Variants in BAG5 observed in about 807,000 individuals in gnomAD.
The protein encoded by BAG5 is BAG family molecular chaperone regulator 5.
In BAG5, 25 loss-of-function variants were observed where a neutral mutation model predicts 31.8. The observed-to-expected ratio is 0.79, with a 90% CI of 0.57 to 1.10. BAG5 has a LOEUF of 1.10. Ranked by LOEUF, BAG5 falls within the 50% of genes least tolerant of loss-of-function variation. The probability of loss-of-function intolerance (pLI) is 0.00; values close to 1 mark genes in which losing one functional copy is unlikely to be tolerated. For missense variants in BAG5, 491 were observed against 527.9 expected (o/e 0.93, Z 0.68); for synonymous variants, 208 against 205.0 (o/e 1.01, Z -0.13).
chr14:103,557,957 CA>C lies in BAG5; in HGVS notation c.*1863del, dbSNP rs1230977568. The C allele has an allele frequency of 6.6e-6, 1 of 152,188 alleles. No individual in the cohort carries two copies. The highest frequency in any genetic ancestry group is 1.9e-4 in the East Asian group (1 of 5,196). The allele number at this position is 152,188 out of a possible 1,614,324, so 9.4% of individuals were successfully genotyped here. A position where few individuals can be genotyped will look rare whatever the true frequency, so the allele number is the denominator to read the frequency against. On this transcript the variant is annotated 3_prime_UTR_variant, in exon 2 of 2. Coordinates refer to ENST00000299204, the MANE Select transcript of BAG5 (RefSeq NM_001015048.3). Reference sequence around the variant, plus strand: ...GCAGTGAGCTGAGATGGCACCACTGCACTGCAGCCTGGGCAACAGAGACTCC... The same window carrying C: ...GCAGTGAGCTGAGATGGCACCACTGCCTGCAGCCTGGGCAACAGAGACTCC...
At position 103,559,997 on chromosome 14, in the gene BAG5, G is replaced by C. The variant is rs182208325; in HGVS notation, c.1168C>G (p.Arg390Gly). The stretch of plus-strand genomic sequence containing the variant: ...AGCCGGATGTAGTTCTTATCGGTTC[G>C]ATTTCCATCAAATGAAAGAACTTCT... ...QGEVLSFDGNRTDKNYIRLEE... is the reference protein window; with the variant it reads ...QGEVLSFDGNGTDKNYIRLEE... The change falls in exon 2 of 2, where the codon CGA becomes GGA. Residue 390 changes from arginine to glycine, a missense_variant. By Grantham distance (125) the Arg-to-Gly change is moderately radical (BLOSUM62 -2). Coordinates refer to ENST00000299204, the MANE Select transcript of BAG5 (RefSeq NM_001015048.3). 3 of 1,614,138 alleles carry C rather than the reference G, an allele frequency of 1.9e-6. No homozygotes were observed. The African/African-American group carries it at 4.0e-5, about 22-fold the overall frequency.
intron 1 of BAG5, 100 bp from the exon 2 acceptor site, chr14:103,561,292 T>C: frequency 7.6e-7 from 1 of 1,313,644 alleles, no homozygotes; most frequent in Non-Finnish European, 1.0e-6. Context: ...TAAAAAGGTA[T>C]ACTTCTGAGC....
Position 103,559,735 on chromosome 14 carries a change from C to A in BAG5, c.*86G>T. The A allele has an allele frequency of 1.4e-6, 2 of 1,452,414 alleles. No homozygotes were observed. Among genetic ancestry groups the A allele is most frequent in the Non-Finnish European group, 1.9e-6 (2 of 1,080,874 alleles). 90.0% of individuals were successfully genotyped at this position (1,452,414 alleles called of 1,614,324 possible). A position where few individuals can be genotyped will look rare whatever the true frequency, so the allele number is the denominator to read the frequency against. ...ATAAATACTGAGACTGAAATATGCA[C>A]GTATAAATCAATGAACTGAAAGCTC... On this transcript the variant is annotated 3_prime_UTR_variant, in exon 2 of 2. Transcript: ENST00000299204.
chr14:103,561,978 G>T (rs749976469), intron 1 of BAG5: 1 of 1,613,958 alleles, frequency 6.2e-7, no homozygotes, highest in East Asian at 2.2e-5. Flanking sequence ...CAAACGGCTC[G>T]CTCAAGGTGG....
chr14:103,560,911 T>A lies in BAG5; in HGVS notation c.254A>T (p.Asn85Ile). ...TTCAATCCGGTGTGGGTGGTTTGCA[T>A]TCTGCTCCAACTCTTTGAGAAGACG... Reference protein sequence around the residue: ...TERLLKELEQNANHPHRIEIQ... With the variant: ...TERLLKELEQIANHPHRIEIQ... The change falls in exon 2 of 2, where the codon AAT becomes ATT. Residue 85 changes from asparagine (N) to isoleucine (I), a missense_variant. Asn to Ile is a moderately radical substitution (Grantham distance 149). Coordinates refer to ENST00000299204, the MANE Select transcript of BAG5 (RefSeq NM_001015048.3). The A allele has an allele frequency of 6.2e-7, 1 of 1,614,192 alleles. No homozygotes were observed. Among genetic ancestry groups the A allele is most frequent in the Non-Finnish European group, 8.5e-7 (1 of 1,180,044 alleles).
Position 103,560,238 on chromosome 14 carries a change from TTC to T in BAG5, c.925_926del (p.Glu309IlefsTer10), listed in dbSNP as rs1483765418. Reference sequence around the variant, plus strand: ...CCAACTGTCCAATTAAACCCTGCAATTCTGTTTTGGAGCTCAGGTACAATTCA... The same window carrying T: ...CCAACTGTCCAATTAAACCCTGCAATTGTTTTGGAGCTCAGGTACAATTCA... ...PSELYLSSKTELQGLIGQLDE... is the reference protein window; with the variant it reads ...PSELYLSSKTXLQGLIGQLDE... On this transcript the variant is annotated frameshift_variant, in exon 2 of 2. Coordinates refer to ENST00000299204, the MANE Select transcript of BAG5 (RefSeq NM_001015048.3). LOFTEE classifies it high-confidence loss of function. 4.3e-6 allele frequency: 7 copies of T among 1,614,080 alleles called. No homozygotes were observed. The highest frequency in any genetic ancestry group is 5.9e-6 in the Non-Finnish European group (7 of 1,180,050).
Position 103,557,519 on chromosome 14 carries a change from CTT to C in BAG5, c.*2300_*2301del, listed in dbSNP as rs2076045542. On this transcript the variant is annotated 3_prime_UTR_variant, in exon 2 of 2. Transcript: ENST00000299204. ...CAGCTTGGCAAAAGGTACACAAACA[CTT>C]GTTTGAAAAGAATGACTGAAACGTC... is the stretch of plus-strand genomic sequence containing the variant. The C allele has an allele frequency of 6.6e-6, 1 of 152,168 alleles. No individual in the cohort carries two copies. Among genetic ancestry groups the C allele is most frequent in the African/African-American group, 2.4e-5 (1 of 41,438 alleles). The allele number at this position is 152,168 out of a possible 1,614,324, so 9.4% of individuals were successfully genotyped here.
chr14:103,562,268 G>T, intron 1 of BAG5: 1 of 467,516 alleles, frequency 2.1e-6, no homozygotes. Flanking sequence ...GCCGCTACTG[G>T]CTGCAGCAGC....
rs1595127206 is a variant in BAG5, at chr14:103,560,211, A to G, written c.954T>C (p.Asp318=). 6.2e-7 allele frequency: 1 copy of G among 1,614,072 alleles called. No homozygotes were observed. The change falls in exon 2 of 2, where the codon GAT becomes GAC. Residue 318 remains aspartate, a synonymous_variant. Coordinates refer to ENST00000299204, the MANE Select transcript of BAG5 (RefSeq NM_001015048.3). ...TELQGLIGQL[D]EVSLEKNPCI... is the part of the protein sequence containing the mutation. ...AGGGGTTTTTTTCAAGACTTACCTC[A>G]TCCAACTGTCCAATTAAACCCTGCA...
rs369848011 is a variant in BAG5 at position 103,562,464 on chromosome 14, G to T, written c.-29+152C>A. ...GCTTCCGACCCCAGGGGCGGGGACA[G>T]CGCCGAGACCGACTCTGCCCTGCCT... On this transcript the variant is annotated intron_variant, in intron 1 of 1. Coordinates refer to ENST00000299204, the MANE Select transcript of BAG5 (RefSeq NM_001015048.3). The T allele has an allele frequency of 4.4e-4, 84 of 192,790 alleles. No individual in the cohort carries two copies. In the East Asian group the frequency reaches 7.4e-3, roughly 17 times the overall value. The allele number at this position is 192,790 out of a possible 1,614,324, so 11.9% of individuals were successfully genotyped here.
Position 103,557,433 on chromosome 14 carries a change from T to A in BAG5, c.*2388A>T, listed in dbSNP as rs1181757537. 3 of 152,172 alleles carry A rather than the reference T, an allele frequency of 2.0e-5. No individual in the cohort carries two copies. Among genetic ancestry groups the A allele is most frequent in the Non-Finnish European group, 4.4e-5 (3 of 68,036 alleles). 9.4% of individuals were successfully genotyped at this position (152,172 alleles called of 1,614,324 possible). A position where few individuals can be genotyped will look rare whatever the true frequency, so the allele number is the denominator to read the frequency against. ...GATCATTTCCATGACCAATTACCCA[T>A]GTGAACAATTCAAAATGACGGTGGA... On this transcript the variant is annotated 3_prime_UTR_variant, in exon 2 of 2. Coordinates refer to ENST00000299204, the MANE Select transcript of BAG5 (RefSeq NM_001015048.3).
intron 1 of BAG5, chr14:103,561,880 A>C: frequency 6.6e-7 from 1 of 1,517,274 alleles, no homozygotes; most frequent in Non-Finnish European, 9.1e-7. Context: ...AACCCGCGAA[A>C]ACGTGGTAAC....
At position 103,559,230 on chromosome 14, in the gene BAG5, G is replaced by C. The variant is rs982015128; in HGVS notation, c.*591C>G. 5 of 152,074 alleles carry C rather than the reference G, an allele frequency of 3.3e-5. No individual in the cohort carries two copies. Among genetic ancestry groups the C allele is most frequent in the African/African-American group, 1.2e-4 (5 of 41,388 alleles). 9.4% of individuals were successfully genotyped at this position (152,074 alleles called of 1,614,324 possible). On this transcript the variant is annotated 3_prime_UTR_variant, in exon 2 of 2. Transcript: ENST00000299204. ...AAACAAGATTCCTCTCTAAAACGTAGAGGATGGGGAAAATGCAGATGCTGT... is the reference window on the plus strand; with the variant it reads ...AAACAAGATTCCTCTCTAAAACGTACAGGATGGGGAAAATGCAGATGCTGT...
Position 103,561,204 on chromosome 14 carries a change from CAAG to C in BAG5, c.-28-15_-28-13del, listed in dbSNP as rs2076071079. On this transcript the variant is annotated splice_polypyrimidine_tract_variant and intron_variant, in intron 1 of 1. Coordinates refer to ENST00000299204, the MANE Select transcript of BAG5 (RefSeq NM_001015048.3). The stretch of plus-strand genomic sequence containing the variant: ...CAGTTTCACAAGCACTAAAAGACGA[CAAG>C]AATGATAACTTACTACAGCACAAGG... 1.9e-6 allele frequency: 3 copies of C among 1,577,810 alleles called. No individual in the cohort carries two copies. The highest frequency in any genetic ancestry group is 2.6e-6 in the Non-Finnish European group (3 of 1,170,914).
Position 103,561,196 on chromosome 14 carries a change from A to G in BAG5, c.-28-4T>C. ...GTTGTGTTCAGTTTCACAAGCACTA[A>G]AAGACGACAAGAATGATAACTTACT... is the stretch of plus-strand genomic sequence containing the variant. On this transcript the variant is annotated splice_region_variant and splice_polypyrimidine_tract_variant and intron_variant, in intron 1 of 1. Transcript: ENST00000299204. The G allele has an allele frequency of 1.9e-6, 3 of 1,581,722 alleles. No homozygotes were observed. The highest frequency in any genetic ancestry group is 2.6e-6 in the Non-Finnish European group (3 of 1,172,326).
In BAG5 at chr14:103,557,844, T is replaced by C. The variant is rs1243230966; in HGVS notation, c.*1977A>G. 6.6e-6 allele frequency: 1 copy of C among 151,966 alleles called. No homozygotes were observed. The highest frequency in any genetic ancestry group is 1.9e-4 in the East Asian group (1 of 5,184). The allele number at this position is 151,966 out of a possible 1,614,324, so 9.4% of individuals were successfully genotyped here. A position where few individuals can be genotyped will look rare whatever the true frequency, so the allele number is the denominator to read the frequency against. Reference sequence around the variant, plus strand: ...CTCAACTCTATTAAAAATACAAAAATTAGCCAGGCATGGTGCCACATGCCT... The same window carrying C: ...CTCAACTCTATTAAAAATACAAAAACTAGCCAGGCATGGTGCCACATGCCT... On this transcript the variant is annotated 3_prime_UTR_variant, in exon 2 of 2. Coordinates refer to ENST00000299204, the MANE Select transcript of BAG5 (RefSeq NM_001015048.3).
chr14:103,560,528 A>G lies in BAG5; in HGVS notation c.637T>C (p.Cys213Arg). ...LLMGVNNNET[C>R]RHLSCVLSGL... ...GAGAGCACACAGGATAAGTGCCTGC[A>G]GGTCTCATTGTTGTTCACACCCATC... The change falls in exon 2 of 2, where the codon TGC becomes CGC. Residue 213 changes from cysteine to arginine, a missense_variant. Transcript: ENST00000299204. The G allele has an allele frequency of 6.2e-7, 1 of 1,614,058 alleles. No homozygotes were observed. The highest frequency in any genetic ancestry group is 8.5e-7 in the Non-Finnish European group (1 of 1,180,016).
intron 1 of BAG5, chr14:103,561,859 C>CAAA (rs34050832): frequency 3.0e-6 from 4 of 1,321,530 alleles, no homozygotes; most frequent in Non-Finnish European, 3.2e-6. Context: ...TCCACTCTCT[C>CAAA]AAAAAAAAAC....
rs1566972325 is a variant in BAG5, at chr14:103,559,734, AC to A, written c.*86del. The A allele has an allele frequency of 6.9e-7, 1 of 1,445,972 alleles. No individual in the cohort carries two copies. The highest frequency in any genetic ancestry group is 9.3e-7 in the Non-Finnish European group (1 of 1,077,482). 89.6% of individuals were successfully genotyped at this position (1,445,972 alleles called of 1,614,324 possible). ...CATAAATACTGAGACTGAAATATGC[AC>A]GTATAAATCAATGAACTGAAAGCTC... is the stretch of plus-strand genomic sequence containing the variant. On this transcript the variant is annotated 3_prime_UTR_variant, in exon 2 of 2. Coordinates refer to ENST00000299204, the MANE Select transcript of BAG5 (RefSeq NM_001015048.3).
Sources: gnomAD v4.1 joint callset for allele counts on GRCh38, gnomAD v4.1.1 for gene constraint, MANE v1.5 for transcripts, NCBI Gene and HGNC (gene_info 2026-07-23, HGNC 2026-07-21) for gene names.